Variants in ATP6V1H observed in about 807,000 individuals in gnomAD.
ATP6V1H encodes ATPase H+ transporting V1 subunit H.
In ATP6V1H, 39 loss-of-function variants were observed where a neutral mutation model predicts 71.7. That is an observed-to-expected ratio of 0.54 (90% CI 0.42 to 0.71). The LOEUF (loss-of-function observed/expected upper bound fraction) is 0.71, where lower values mean the gene tolerates loss of function less well. Ranked by LOEUF, ATP6V1H falls within the 30% of genes least tolerant of loss-of-function variation. The probability of loss-of-function intolerance (pLI) is 0.00; values close to 1 mark genes in which losing one functional copy is unlikely to be tolerated. For synonymous variants in ATP6V1H, 192 were observed against 199.3 expected (o/e 0.96, Z 0.31); for missense variants, 509 against 594.9 (o/e 0.86, Z 1.50).
intron 4 of ATP6V1H, among the ~76,000 whole-genome samples, chr8:53,819,829 C>T (rs1243458702): frequency 7.6e-5 from 11 of 143,854 alleles, no homozygotes; most frequent in South Asian, 2.2e-4. Context: ...TATATATATA[C>T]ACACACACAC....
At chr8:53,809,540 T>C (rs1810205122) in intron 7 of ATP6V1H, among the ~76,000 whole-genome samples, 1 of 152,230 alleles carries the variant, frequency 6.6e-6, no homozygotes, top group Admixed American at 6.5e-5. Context: ...ATTTGGGATG[T>C]ATATGAATCT....
intron 8 of ATP6V1H, among the ~76,000 whole-genome samples, chr8:53,800,421 T>C (rs1008119614): frequency 9.2e-5 from 14 of 152,216 alleles, no homozygotes; most frequent in African/African-American, 2.9e-4. Context: ...TTCACAATTA[T>C]TAGATTATTC....
chr8:53,784,189 G>T (rs1040034835), intron 9 of ATP6V1H, among the ~76,000 whole-genome samples: 1 of 152,146 alleles, frequency 6.6e-6, no homozygotes, highest in African/African-American at 2.4e-5. Flanking sequence ...TCTCTTTGTA[G>T]GTCACTAAGG....
At chr8:53,773,245 CCTT>C (rs1247243413) in intron 9 of ATP6V1H, among the ~76,000 whole-genome samples, 3 of 152,136 alleles carry the variant, frequency 2.0e-5, no homozygotes, top group Non-Finnish European at 4.4e-5. Flanking sequence ...TTGCAATCCT[CCTT>C]ATTATGAATA....
intron 9 of ATP6V1H, among the ~76,000 whole-genome samples, chr8:53,786,010 G>A (rs1418722165): frequency 6.6e-6 from 1 of 152,236 alleles, no homozygotes; most frequent in Non-Finnish European, 1.5e-5. Context: ...GAGGTAGTCT[G>A]CCCATTCTCA....
intron 13 of ATP6V1H, among the ~76,000 whole-genome samples, chr8:53,716,659 A>G (rs1230490989): frequency 6.6e-6 from 1 of 152,132 alleles, no homozygotes; most frequent in African/African-American, 2.4e-5. Flanking sequence ...GAGTAGCAGC[A>G]CTCACTCCAC....
At chr8:53,795,213 G>T (rs1252016053) in intron 9 of ATP6V1H, among the ~76,000 whole-genome samples, 1 of 152,076 alleles carries the variant, frequency 6.6e-6, no homozygotes, top group East Asian at 1.9e-4. Flanking sequence ...TATCCTAATA[G>T]GATAACTTTA....
At chr8:53,735,646 AG>A (rs1253192406) in intron 13 of ATP6V1H, among the ~76,000 whole-genome samples, 1 of 152,186 alleles carries the variant, frequency 6.6e-6, no homozygotes, top group Non-Finnish European at 1.5e-5. Context: ...TCCAGGAACT[AG>A]GGGAATTAAC....
intron 7 of ATP6V1H, among the ~76,000 whole-genome samples, chr8:53,810,742 A>AAAAT (rs988606453): frequency 3.3e-5 from 5 of 152,210 alleles, no homozygotes; most frequent in Admixed American, 1.3e-4. Flanking sequence ...TGTGTCTCAA[A>AAAAT]AAATAAATAA....
chr8:53,841,759 G>C, intron 1 of ATP6V1H, 34 bp from the exon 2 acceptor site: 1 of 1,566,698 alleles, frequency 6.4e-7, no homozygotes, highest in Non-Finnish European at 8.7e-7. Flanking sequence ...AACAGAATAC[G>C]AGGTGTTTCT....
chr8:53,731,872 G>A (rs551120501), intron 13 of ATP6V1H, among the ~76,000 whole-genome samples: 1 of 152,384 alleles, frequency 6.6e-6, no homozygotes, highest in South Asian at 2.1e-4. Context: ...CAGATCCTGA[G>A]AGCGCTCCGG....
rs544568255 is a variant in ATP6V1H, at chr8:53,775,859, C to G, written c.871-3692G>C. ...TCACCCAGTGGGTCCCGCACTGGGG[C>G]TGCAGGTGGAGCTGCCTGCCAGTCC... On this transcript the variant is annotated intron_variant, in intron 9 of 13. Coordinates refer to ENST00000359530, the MANE Select transcript of ATP6V1H (RefSeq NM_015941.4). Among the ~76,000 whole-genome samples, 10 of 152,384 alleles carry G rather than the reference C, an allele frequency of 6.6e-5. No individual in the cohort carries two copies. In the East Asian group the frequency reaches 1.5e-3, roughly 24 times the overall value.
At chr8:53,779,643 G>A (rs948335607) in intron 9 of ATP6V1H, among the ~76,000 whole-genome samples, 2 of 151,844 alleles carry the variant, frequency 1.3e-5, no homozygotes, top group Non-Finnish European at 2.9e-5. Context: ...GAGGGGAGGT[G>A]TAAATCTGTT....
intron 2 of ATP6V1H, among the ~76,000 whole-genome samples, chr8:53,834,005 T>C (rs1159991432): frequency 1.3e-5 from 2 of 152,084 alleles, no homozygotes; most frequent in African/African-American, 4.8e-5. Flanking sequence ...AATCATACAA[T>C]ATAGCAAACC....
chr8:53,782,194 G>T (rs937626941), intron 9 of ATP6V1H, among the ~76,000 whole-genome samples: 1 of 152,028 alleles, frequency 6.6e-6, no homozygotes, highest in Admixed American at 6.6e-5. Context: ...TCTTCCATTT[G>T]TTTGTATCCT....
At position 53,754,203 on chromosome 8, in the gene ATP6V1H, T is replaced by C. The variant is rs547291096; in HGVS notation, c.1277+2352A>G. 1.4e-3 allele frequency among the ~76,000 whole-genome samples: 219 copies of C among 152,182 alleles called. 3 individuals carry two copies. The highest frequency in any genetic ancestry group is 5.9e-4 in the Non-Finnish European group (40 of 67,998). On this transcript the variant is annotated intron_variant, in intron 12 of 13. Coordinates refer to ENST00000359530, the MANE Select transcript of ATP6V1H (RefSeq NM_015941.4). ...GCAAGAAGTTCAGAAAGATGAGAGA[T>C]AGGAGTGCAAAAGGCTTATTGGGAA... is the stretch of plus-strand genomic sequence containing the variant.
rs541588826 is a variant in ATP6V1H, at chr8:53,760,208, C to A, written c.1176-3552G>T. ...ATCTCAAGAGTGGGGTGGGCAGGCT[C>A]AAGCATGCACAGTAAGGTGCAAAGT... On this transcript the variant is annotated intron_variant, in intron 11 of 13. Coordinates refer to ENST00000359530, the MANE Select transcript of ATP6V1H (RefSeq NM_015941.4). 5.3e-5 allele frequency among the ~76,000 whole-genome samples: 8 copies of A among 152,284 alleles called. No individual in the cohort carries two copies. In the East Asian group the frequency reaches 1.5e-3, roughly 29 times the overall value.
At chr8:53,774,253 G>C (rs1337772936) in intron 9 of ATP6V1H, among the ~76,000 whole-genome samples, 1 of 152,198 alleles carries the variant, frequency 6.6e-6, no homozygotes, top group African/African-American at 2.4e-5. Flanking sequence ...GTTGCCTATA[G>C]AATTCTGAGT....
intron 12 of ATP6V1H, among the ~76,000 whole-genome samples, chr8:53,748,765 C>G (rs1807695753): frequency 6.6e-6 from 1 of 152,072 alleles, no homozygotes; most frequent in African/African-American, 2.4e-5. Context: ...GCTTTTTCCT[C>G]TTTATTCTTT....
Sources: allele counts gnomAD v4.1 joint callset (sites outside exome capture counted in the v4.1 genomes callset), GRCh38; gene constraint gnomAD v4.1.1; transcripts MANE v1.5; gene names NCBI Gene and HGNC (gene_info 2026-07-23, HGNC 2026-07-21).